The following TG variants were observed in gnomAD, a reference collection of about 807,000 sequenced individuals.
The protein encoded by TG is thyroglobulin.
TG carries 270 observed loss-of-function variants against 324.7 expected under a neutral mutation model. That is an observed-to-expected ratio of 0.83 (90% CI 0.75 to 0.92). The LOEUF is 0.92. Ranked by LOEUF, TG falls within the 40% of genes least tolerant of loss-of-function variation. The probability of loss-of-function intolerance (pLI) is 0.00; values close to 1 mark genes in which losing one functional copy is unlikely to be tolerated. For missense variants in TG, 3,591 were observed against 3,456.4 expected (o/e 1.04, Z -0.98); for synonymous variants, 1,401 against 1,327.0 (o/e 1.06, Z -1.21).
intron 24 of TG, 67 bp downstream of exon 24, chr8:132,933,743 CG>C (rs1196915138): frequency 1.4e-6 from 2 of 1,451,144 alleles, no homozygotes; most frequent in South Asian, 2.3e-5. Context: ...CTCTGAGGAG[CG>C]GGCAGCAGGC....
In TG at chr8:132,873,746, G is replaced by T. The variant is rs548270366; in HGVS notation, c.638+525G>T. Among the ~76,000 whole-genome samples the T allele has an allele frequency of 7.2e-5, 11 of 152,240 alleles. No homozygotes were observed. In the South Asian group the frequency reaches 2.3e-3, roughly 32 times the overall value. ...AAATGAGCAAAAAGATTCTTTATTT[G>T]TGCTTATGTGACTATATTATTATGC... On this transcript the variant is annotated intron_variant, in intron 5 of 47. Coordinates refer to ENST00000220616, the MANE Select transcript of TG (RefSeq NM_003235.5).
intron 27 of TG, among the ~76,000 whole-genome samples, chr8:132,958,451 G>T (rs1827256316): frequency 6.6e-6 from 1 of 152,108 alleles, no homozygotes; most frequent in Non-Finnish European, 1.5e-5. Context: ...TGGGCACGGT[G>T]GCTCACACCT....
At chr8:132,875,223 A>T (rs1018442904) in intron 5 of TG, among the ~76,000 whole-genome samples, 3 of 152,132 alleles carry the variant, frequency 2.0e-5, no homozygotes, top group Non-Finnish European at 2.9e-5. Flanking sequence ...GTAGGTTAGA[A>T]TTTCCCCCTC....
intron 41 of TG, among the ~76,000 whole-genome samples, chr8:133,082,317 C>T (rs1419335165): frequency 1.3e-5 from 2 of 152,100 alleles, no homozygotes; most frequent in Non-Finnish European, 2.9e-5. Flanking sequence ...CTTTGCATGA[C>T]TGGGGCAACT....
chr8:133,072,183 G>A (rs1320710699), intron 41 of TG, among the ~76,000 whole-genome samples: 1 of 152,200 alleles, frequency 6.6e-6, no homozygotes, highest in Non-Finnish European at 1.5e-5. Flanking sequence ...CTGGTGCTAA[G>A]GAGCGAAGTG....
At chr8:132,895,909 C>T (rs965715397) in intron 11 of TG, among the ~76,000 whole-genome samples, 4 of 152,226 alleles carry the variant, frequency 2.6e-5, no homozygotes, top group African/African-American at 7.2e-5. Context: ...CTCCAAGTAG[C>T]CACATGCTCC....
chr8:132,908,280 G>A lies in TG; in HGVS notation c.3942G>A (p.Leu1314=). The A allele has an allele frequency of 6.2e-7, 1 of 1,613,646 alleles. No homozygotes were observed. Among genetic ancestry groups the A allele is most frequent in the Non-Finnish European group, 8.5e-7 (1 of 1,179,880 alleles). ...KMCSADYADL[L]QTFQVFILDE... ...GCAGTGCTGACTACGCGGATTTGCTGCAGACTTTCCAGGTTTTCATATTGG... is the reference window on the plus strand; with the variant it reads ...GCAGTGCTGACTACGCGGATTTGCTACAGACTTTCCAGGTTTTCATATTGG... Residue 1314 remains leucine (L), a synonymous_variant, in exon 18 of 48, where the codon CTG becomes CTA. Transcript: ENST00000220616.
chr8:133,090,438 G>A (rs1847311521), intron 41 of TG, among the ~76,000 whole-genome samples: 1 of 152,170 alleles, frequency 6.6e-6, no homozygotes. Flanking sequence ...GAGCAAAAAA[G>A]CACCTTGGCC....
At position 132,907,680 on chromosome 8, in the gene TG, A is replaced by T. The variant is rs16904785; in HGVS notation, c.3848-506A>T. Among the ~76,000 whole-genome samples the T allele has an allele frequency of 4.5e-3, 692 of 152,278 alleles. 5 individuals carry two copies. Among genetic ancestry groups the T allele is most frequent in the African/African-American group, 0.016 (658 of 41,560 alleles). ...TAAATAATGGCCTGTCACTTTGACT[A>T]TGTTGAAATCAAGACCAGGATGGTC... On this transcript the variant is annotated intron_variant, in intron 17 of 47. Transcript: ENST00000220616.
At chr8:133,120,690 A>G (rs1056667074) in intron 45 of TG, among the ~76,000 whole-genome samples, 2 of 152,196 alleles carry the variant, frequency 1.3e-5, no homozygotes, top group African/African-American at 4.8e-5. Context: ...GCCCACACTA[A>G]TGACCTCAGT....
chr8:133,044,026 TC>T (rs141323341), intron 41 of TG, among the ~76,000 whole-genome samples: 25 of 152,258 alleles, frequency 1.6e-4, no homozygotes, highest in Non-Finnish European at 3.1e-4. Context: ...ACTCTGTGGA[TC>T]CTCACGGTGT....
chr8:133,085,973 T>A (rs1457872175), intron 41 of TG, among the ~76,000 whole-genome samples: 1 of 152,170 alleles, frequency 6.6e-6, no homozygotes, highest in Non-Finnish European at 1.5e-5. Flanking sequence ...ACAACCCAAA[T>A]GTTTACCAGC....
At chr8:133,118,613 C>T (rs1850897637) in intron 45 of TG, among the ~76,000 whole-genome samples, 1 of 152,178 alleles carries the variant, frequency 6.6e-6, no homozygotes, top group Admixed American at 6.5e-5. Context: ...GCGTGAGCCA[C>T]TGTACCTGGC....
intron 43 of TG, chr8:133,102,706 G>T: frequency 1.3e-6 from 1 of 768,218 alleles, no homozygotes; most frequent in Non-Finnish European, 2.2e-6. Context: ...GAAATTGACA[G>T]TCTGCCTACA....
chr8:133,133,366 C>A, intron 46 of TG, 104 bp from the exon 47 acceptor site: 1 of 1,184,044 alleles, frequency 8.4e-7, no homozygotes, highest in Non-Finnish European at 1.3e-6. Flanking sequence ...CCTACAGATA[C>A]ATGAATTGTC....
intron 41 of TG, among the ~76,000 whole-genome samples, chr8:133,092,580 G>C (rs747328017): frequency 2.0e-5 from 3 of 152,118 alleles, no homozygotes; most frequent in Non-Finnish European, 2.9e-5. Context: ...CACCTACCTG[G>C]CCTCATGCAT....
At chr8:133,088,818 TG>T (rs773235096) in intron 41 of TG, among the ~76,000 whole-genome samples, 1 of 152,218 alleles carries the variant, frequency 6.6e-6, no homozygotes, top group Non-Finnish European at 1.5e-5. Context: ...GTCCCTGTGA[TG>T]GAAGTTTTGC....
intron 43 of TG, among the ~76,000 whole-genome samples, chr8:133,101,824 G>A (rs1405250628): frequency 1.3e-5 from 2 of 151,992 alleles, no homozygotes; most frequent in East Asian, 1.9e-4. Flanking sequence ...GTGCCATTGG[G>A]CCCCATAGCA....
At chr8:132,973,288 A>G (rs1829776457) in intron 34 of TG, among the ~76,000 whole-genome samples, 1 of 152,310 alleles carries the variant, frequency 6.6e-6, no homozygotes, top group East Asian at 1.9e-4. Flanking sequence ...AATCAAGACA[A>G]TGTACCACAT....
Sources: gnomAD v4.1 joint callset for allele counts (sites outside exome capture counted in the v4.1 genomes callset) on GRCh38, gnomAD v4.1.1 for gene constraint, MANE v1.5 for transcripts, NCBI Gene and HGNC (gene_info 2026-07-23, HGNC 2026-07-21) for gene names.